Variants in GUCD1 observed in about 807,000 individuals in gnomAD.
The protein encoded by GUCD1 is protein GUCD1.
A neutral mutation model predicts 28.3 loss-of-function variants in GUCD1; 17 were observed. The observed-to-expected ratio is 0.60, with a 90% CI of 0.41 to 0.90. GUCD1 has a LOEUF of 0.90. GUCD1 is among the 40% of genes least tolerant of loss of function. GUCD1 has a pLI of 0.00. For synonymous variants in GUCD1, 129 were observed against 123.3 expected, an observed-to-expected ratio of 1.05 and a Z score of -0.30; for missense variants, 279 against 305.5, an observed-to-expected ratio of 0.91 and a Z score of 0.65.
intron 2 of GUCD1, 48 bp downstream of exon 2, chr22:24,548,866 CAGA>C (rs2044796790): frequency 2.2e-6 from 3 of 1,387,426 alleles, no homozygotes; most frequent in East Asian, 2.5e-5. Flanking sequence ...CAAGCCAGAG[CAGA>C]AGATGTAGAT....
chr22:24,551,504 C>G (rs2044873814), intron 1 of GUCD1, among the ~76,000 whole-genome samples: 1 of 152,220 alleles, frequency 6.6e-6, no homozygotes, highest in Admixed American at 6.5e-5. Flanking sequence ...ATCTTGGCTG[C>G]CCTCACCTGT....
chr22:24,552,223 T>C (rs768292168), intron 1 of GUCD1, among the ~76,000 whole-genome samples: 4 of 152,060 alleles, frequency 2.6e-5, no homozygotes, highest in Non-Finnish European at 5.9e-5. Flanking sequence ...TAATCCCAAC[T>C]ACTCACGAGG....
At chr22:24,552,040 T>C (rs1423496517) in intron 1 of GUCD1, among the ~76,000 whole-genome samples, 1 of 152,240 alleles carries the variant, frequency 6.6e-6, no homozygotes, top group South Asian at 2.1e-4. Context: ...GTAAAAGCAG[T>C]GTTCATGCCC....
At chr22:24,554,470 C>T (rs1267312167) in intron 1 of GUCD1, among the ~76,000 whole-genome samples, 1 of 152,282 alleles carries the variant, frequency 6.6e-6, no homozygotes. Context: ...CCCTCCCCTA[C>T]GTCTTGGGCA....
At chr22:24,555,395 C>A, upstream of GUCD1, 1 of 1,195,686 alleles carries the variant, frequency 8.4e-7, no homozygotes, top group Non-Finnish European at 1.1e-6. Flanking sequence ...TCGTGCATTT[C>A]CTGAATAGAG....
intron 3 of GUCD1, 43 bp downstream of exon 3, chr22:24,547,865 C>T (rs762643848): frequency 6.2e-7 from 1 of 1,608,362 alleles, no homozygotes; most frequent in Non-Finnish European, 8.5e-7. Flanking sequence ...CCTTATACCT[C>T]TGTGTGGCCC....
chr22:24,547,812 T>C (rs1601543430), intron 3 of GUCD1, 96 bp downstream of exon 3: 1 of 1,327,746 alleles, frequency 7.5e-7, no homozygotes, highest in Non-Finnish European at 1.1e-6. Context: ...CCTGGGTGTC[T>C]AGCCCTTGAC....
At chr22:24,552,933 G>A (rs2044921490) in intron 1 of GUCD1, among the ~76,000 whole-genome samples, 1 of 152,116 alleles carries the variant, frequency 6.6e-6, no homozygotes, top group Non-Finnish European at 1.5e-5. Context: ...CTGAGCAGCT[G>A]GAACTATGGG....
At chr22:24,555,256 T>G (rs1211981170), upstream of GUCD1, 8 of 1,342,678 alleles carry the variant, frequency 6.0e-6, no homozygotes, top group African/African-American at 1.5e-5. Context: ...GATTTAAGTC[T>G]GCTCCGGCCA....
intron 1 of GUCD1, among the ~76,000 whole-genome samples, chr22:24,550,287 A>G (rs1416124431): frequency 6.6e-6 from 1 of 152,232 alleles, no homozygotes; most frequent in East Asian, 1.9e-4. Context: ...AGTGAATGAC[A>G]CAAAGTCACT....
chr22:24,549,394 T>C (rs1490550402), intron 1 of GUCD1, among the ~76,000 whole-genome samples: 1 of 152,178 alleles, frequency 6.6e-6, no homozygotes, highest in East Asian at 1.9e-4. Flanking sequence ...ACTCCTGCCC[T>C]TGGATGTCAC....
Position 24,541,477 on chromosome 22 carries a change from A to C in GUCD1, c.*1529T>G, listed in dbSNP as rs2044590272. ...GCCTGGTCTCTACTAAAAATACAAA[A>C]AAATTAGCCGGGCATGGTGGCATGT... On this transcript the variant is annotated 3_prime_UTR_variant, in exon 6 of 6. Transcript: ENST00000435822. 6.6e-6 allele frequency: 1 copy of C among 152,218 alleles called. No individual in the cohort carries two copies. Among genetic ancestry groups the C allele is most frequent in the Non-Finnish European group, 1.5e-5 (1 of 68,056 alleles). 9.4% of individuals were successfully genotyped at this position (152,218 alleles called of 1,614,324 possible).
At chr22:24,543,761 ATGGG>A (rs2147068974) in intron 5 of GUCD1, 77 bp downstream of exon 5, 1 of 1,537,360 alleles carries the variant, frequency 6.5e-7, no homozygotes, top group African/African-American at 1.4e-5. Context: ...ACTAGATTGA[ATGGG>A]TGGGAACTGT....
At chr22:24,548,411 C>T (rs2044785384) in intron 2 of GUCD1, among the ~76,000 whole-genome samples, 2 of 152,188 alleles carry the variant, frequency 1.3e-5, no homozygotes, top group African/African-American at 2.4e-5. Flanking sequence ...AGGCAAAGAA[C>T]GCTTTTGTTG....
At chr22:24,550,810 G>C (rs1486530893) in intron 1 of GUCD1, among the ~76,000 whole-genome samples, 1 of 151,836 alleles carries the variant, frequency 6.6e-6, no homozygotes, top group African/African-American at 2.4e-5. Context: ...GCCATTTCCA[G>C]GGCCTTCCCT....
upstream of GUCD1, chr22:24,555,375 G>GC (rs2045027630): frequency 9.0e-7 from 1 of 1,112,568 alleles, no homozygotes; most frequent in Non-Finnish European, 1.2e-6. Flanking sequence ...TTTGAGCCCC[G>GC]CCCCAAAGCT....
At chr22:24,554,885 C>G in intron 1 of GUCD1, 64 bp downstream of exon 1, 3 of 1,356,176 alleles carry the variant, frequency 2.2e-6, no homozygotes, top group Non-Finnish European at 3.1e-6. Flanking sequence ...GGACCCTGCC[C>G]CGCGCTAGGG....
intron 1 of GUCD1, among the ~76,000 whole-genome samples, chr22:24,552,509 C>A (rs2044903972): frequency 6.6e-6 from 1 of 152,108 alleles, no homozygotes; most frequent in African/African-American, 2.4e-5. Context: ...CAGTGGCTCA[C>A]GCCTGTAATC....
At chr22:24,547,271 GGATC>G (rs1293496464) in intron 3 of GUCD1, 1 of 460,016 alleles carries the variant, frequency 2.2e-6, no homozygotes, top group Non-Finnish European at 4.0e-6. Flanking sequence ...TCTCTGGGGA[GGATC>G]GATCACCCTT....
Sources: allele counts gnomAD v4.1 joint callset (sites outside exome capture counted in the v4.1 genomes callset), GRCh38; gene constraint gnomAD v4.1.1; transcripts MANE v1.5; gene names NCBI Gene and HGNC (gene_info 2026-07-23, HGNC 2026-07-21).